Variants in SGCD observed in about 807,000 individuals in gnomAD.
The protein encoded by SGCD is delta-sarcoglycan.
A neutral mutation model predicts 36.6 loss-of-function variants in SGCD; 18 were observed. The observed-to-expected ratio is 0.49, with a 90% CI of 0.34 to 0.73. The LOEUF (loss-of-function observed/expected upper bound fraction) is 0.73, where lower values mean the gene tolerates loss of function less well. Among genes scored for constraint, SGCD ranks in the 30% least tolerant of loss-of-function variants. The pLI, the probability that SGCD is intolerant of heterozygous loss-of-function variation, is 0.01. For synonymous variants in SGCD, 133 were observed against 130.6 expected, an observed-to-expected ratio of 1.02 and a Z score of -0.12; for missense variants, 387 against 346.7, an observed-to-expected ratio of 1.12 and a Z score of -0.92.
chr5:156,439,245 A>G (rs963721710), intron 3 of SGCD, among the ~76,000 whole-genome samples: 2 of 152,088 alleles, frequency 1.3e-5, no homozygotes, highest in African/African-American at 4.8e-5. Flanking sequence ...AGTTTCAGGG[A>G]GATTATTAGT....
chr5:156,008,785 A>T (rs1240521657), intron 1 of SGCD, among the ~76,000 whole-genome samples: 1 of 152,218 alleles, frequency 6.6e-6, no homozygotes, highest in African/African-American at 2.4e-5. Context: ...TATCCAAGTA[A>T]GTTCACATTC....
intron 6 of SGCD, among the ~76,000 whole-genome samples, chr5:156,613,879 C>T (rs1561815688): frequency 6.6e-6 from 1 of 152,202 alleles, no homozygotes; most frequent in South Asian, 2.1e-4. Context: ...AGGGGCTGAA[C>T]TAATCACTTG....
chr5:156,224,601 A>G (rs969671635), intron 3 of SGCD, among the ~76,000 whole-genome samples: 3 of 152,284 alleles, frequency 2.0e-5, no homozygotes, highest in Admixed American at 6.5e-5. Flanking sequence ...TGATGTTACT[A>G]GTCTATCTCA....
At chr5:155,753,822 T>C in the SGCD span, among the ~76,000 whole-genome samples, 1 of 152,174 alleles carries the variant, frequency 6.6e-6, no homozygotes, top group Admixed American at 6.5e-5. Context: ...CACATTGATA[T>C]GCATGTGCAA....
chr5:156,511,061 C>T (rs183745), intron 4 of SGCD, among the ~76,000 whole-genome samples: 88,516 of 151,988 alleles, frequency 0.58, 26,035 homozygotes, highest in African/African-American at 0.63. Context: ...AATTACTTAC[C>T]TTAATACTGA....
intron 3 of SGCD, among the ~76,000 whole-genome samples, chr5:156,142,548 G>A (rs1238539214): frequency 6.6e-6 from 1 of 152,196 alleles, no homozygotes; most frequent in Non-Finnish European, 1.5e-5. Flanking sequence ...TAGTGATATT[G>A]ACAGCGAAGT....
intron 3 of SGCD, among the ~76,000 whole-genome samples, chr5:156,293,582 T>G (rs1185383425): frequency 6.6e-6 from 1 of 152,208 alleles, no homozygotes; most frequent in East Asian, 1.9e-4. Context: ...GATTATATCT[T>G]CCCTATTAAA....
intron 6 of SGCD, among the ~76,000 whole-genome samples, chr5:156,617,701 G>A (rs957610223): frequency 3.3e-5 from 5 of 152,162 alleles, no homozygotes; most frequent in African/African-American, 1.2e-4. Context: ...CAAATACTCA[G>A]CAAAGGTCGT....
intron 1 of SGCD, among the ~76,000 whole-genome samples, chr5:156,050,005 T>C (rs1759875586): frequency 6.8e-6 from 1 of 146,892 alleles, no homozygotes; most frequent in African/African-American, 2.5e-5. Flanking sequence ...CCACTCCTGG[T>C]GAAGATGCTA....
chr5:156,449,916 A>G (rs974512658), intron 3 of SGCD, among the ~76,000 whole-genome samples: 4 of 151,404 alleles, frequency 2.6e-5, no homozygotes, highest in South Asian at 2.1e-4. Context: ...TGGTCTTGCT[A>G]TCAACTCTGT....
intron 1 of SGCD, among the ~76,000 whole-genome samples, chr5:156,098,480 T>C (rs1761433765): frequency 6.6e-6 from 1 of 152,080 alleles, no homozygotes; most frequent in Non-Finnish European, 1.5e-5. Context: ...TCTAGAAAAA[T>C]AGATTATTTG....
At chr5:156,748,242 T>A (rs1757019913) in intron 7 of SGCD, among the ~76,000 whole-genome samples, 1 of 152,196 alleles carries the variant, frequency 6.6e-6, no homozygotes, top group South Asian at 2.1e-4. Flanking sequence ...CAGAGAAGCA[T>A]GAGGTAACTT....
At chr5:156,559,886 T>C (rs1406304218) in intron 4 of SGCD, among the ~76,000 whole-genome samples, 2 of 152,230 alleles carry the variant, frequency 1.3e-5, no homozygotes, top group African/African-American at 2.4e-5. Context: ...GCATTTATTC[T>C]AAAGCAGTGT....
chr5:155,930,507 A>G (rs1050054021), intron 1 of SGCD, among the ~76,000 whole-genome samples: 3 of 152,176 alleles, frequency 2.0e-5, no homozygotes, highest in Non-Finnish European at 4.4e-5. Flanking sequence ...TTGGAATATT[A>G]TGGCTAATGT....
chr5:155,799,675 G>A, the SGCD span, among the ~76,000 whole-genome samples: 16 of 151,518 alleles, frequency 1.1e-4, no homozygotes, highest in African/African-American at 3.6e-4. Context: ...GATTATGGGC[G>A]TGAGCCACTA....
At chr5:156,514,393 A>G (rs1046250814) in intron 4 of SGCD, among the ~76,000 whole-genome samples, 1 of 152,206 alleles carries the variant, frequency 6.6e-6, no homozygotes, top group Non-Finnish European at 1.5e-5. Context: ...TGTTCACCTC[A>G]AACTCCATTT....
chr5:156,616,201 T>C (rs772837365), intron 6 of SGCD, among the ~76,000 whole-genome samples: 2 of 152,232 alleles, frequency 1.3e-5, no homozygotes, highest in Non-Finnish European at 2.9e-5. Context: ...GTTATCATCC[T>C]AATATAAATA....
At chr5:155,954,662 G>A (rs1282281510) in intron 1 of SGCD, among the ~76,000 whole-genome samples, 1 of 151,734 alleles carries the variant, frequency 6.6e-6, no homozygotes, top group African/African-American at 2.4e-5. Context: ...AGGACCTAGA[G>A]TAGTGTCTTT....
At chr5:156,554,834 T>G (rs1272306830) in intron 4 of SGCD, among the ~76,000 whole-genome samples, 1 of 152,060 alleles carries the variant, frequency 6.6e-6, no homozygotes, top group Non-Finnish European at 1.5e-5. Flanking sequence ...CCACAGTAGC[T>G]GCACCCTTTT....
Sources: gnomAD v4.1 joint callset for allele counts (sites outside exome capture counted in the v4.1 genomes callset) on GRCh38, gnomAD v4.1.1 for gene constraint, MANE v1.5 for transcripts, NCBI Gene and HGNC (gene_info 2026-07-23, HGNC 2026-07-21) for gene names.